Variants in LRRC4C observed in about 807,000 individuals in gnomAD.
The protein encoded by LRRC4C is leucine-rich repeat-containing protein 4C.
LRRC4C carries 5 observed loss-of-function variants against 33.6 expected under a neutral mutation model. The observed-to-expected ratio is 0.15, with a 90% confidence interval of 0.08 to 0.31. The LOEUF (loss-of-function observed/expected upper bound fraction) is 0.31. Ranked by LOEUF, LRRC4C falls within the 10% of genes least tolerant of loss-of-function variation. The pLI is 1.00. For synonymous variants in LRRC4C, 329 were observed against 302.0 expected, an observed-to-expected ratio of 1.09 and a Z score of -0.93; for missense variants, 560 against 796.7, an observed-to-expected ratio of 0.70 and a Z score of 3.58.
intron 1 of LRRC4C, among the ~76,000 whole-genome samples, chr11:41,294,913 C>T (rs548987619): frequency 5.9e-5 from 9 of 152,270 alleles, no homozygotes; most frequent in South Asian, 4.1e-4. Context: ...TAAAGCCTAA[C>T]AATCCCTCTT....
intron 2 of LRRC4C, among the ~76,000 whole-genome samples, chr11:40,675,685 C>A (rs548805125): frequency 2.0e-5 from 3 of 152,322 alleles, no homozygotes; most frequent in South Asian, 4.1e-4. Flanking sequence ...ACATCTGGTG[C>A]ATTGTAAGTG....
chr11:41,215,487 CAAAAAAA>C (rs764578889), intron 1 of LRRC4C, among the ~76,000 whole-genome samples: 11 of 64,356 alleles, frequency 1.7e-4, no homozygotes, highest in Admixed American at 7.4e-4. Context: ...AATTCCATCT[CAAAAAAA>C]AAAAAAAAAA....
chr11:40,327,502 G>T (rs1946157382), intron 3 of LRRC4C, among the ~76,000 whole-genome samples: 1 of 152,224 alleles, frequency 6.6e-6, no homozygotes, highest in Non-Finnish European at 1.5e-5. Context: ...CCAAAAGGCT[G>T]AGAAGCGATA....
chr11:41,184,003 T>G (rs1945573314), intron 1 of LRRC4C, among the ~76,000 whole-genome samples: 1 of 152,156 alleles, frequency 6.6e-6, no homozygotes, highest in Admixed American at 6.5e-5. Flanking sequence ...CTTGGCCCCT[T>G]TTAGCCATGG....
At position 40,260,242 on chromosome 11, in the gene LRRC4C, A is replaced by G. The variant is rs1419875291; in HGVS notation, c.-175-18644T>C. Among the ~76,000 whole-genome samples the G allele has an allele frequency of 5.2e-4, 67 of 127,852 alleles. 1 individual carries two copies. The highest frequency in any genetic ancestry group is 3.6e-3 in the Middle Eastern group (1 of 274). 83.9% of individuals were successfully genotyped at this position (127,852 alleles called of 152,430 possible). On this transcript the variant is annotated intron_variant, in intron 4 of 6. Coordinates refer to ENST00000528697, the MANE Select transcript of LRRC4C (RefSeq NM_001258419.2). ...TGCAGCCATAAAAAATGATGAGTTCATGTCCTTTGTAGGGACATGGATGAA... is the reference window on the plus strand; with the variant it reads ...TGCAGCCATAAAAAATGATGAGTTCGTGTCCTTTGTAGGGACATGGATGAA...
intron 5 of LRRC4C, among the ~76,000 whole-genome samples, chr11:40,237,885 C>G (rs1181623444): frequency 2.0e-5 from 3 of 152,116 alleles, no homozygotes; most frequent in Non-Finnish European, 4.4e-5. Context: ...GGATAAGCAA[C>G]AGCACAAATG....
At chr11:40,920,316 T>G (rs1294174649) in intron 2 of LRRC4C, among the ~76,000 whole-genome samples, 1 of 152,186 alleles carries the variant, frequency 6.6e-6, no homozygotes, top group African/African-American at 2.4e-5. Context: ...TATATTTGTA[T>G]GCATATCTGT....
At chr11:40,786,492 C>A (rs779021057) in intron 2 of LRRC4C, among the ~76,000 whole-genome samples, 9 of 152,186 alleles carry the variant, frequency 5.9e-5, no homozygotes, top group Admixed American at 6.5e-5. Flanking sequence ...ATCAGAGCCA[C>A]CTCAGCCAAT....
chr11:41,241,118 C>A (rs575983911), intron 1 of LRRC4C, among the ~76,000 whole-genome samples: 1 of 151,988 alleles, frequency 6.6e-6, no homozygotes. Flanking sequence ...GACCAACTAC[C>A]TTATAGTGTT....
intron 2 of LRRC4C, among the ~76,000 whole-genome samples, chr11:40,677,102 T>A (rs1359212222): frequency 6.6e-6 from 1 of 152,120 alleles, no homozygotes; most frequent in Non-Finnish European, 1.5e-5. Context: ...TTTTCATACA[T>A]TTGCTGGGCG....
intron 3 of LRRC4C, among the ~76,000 whole-genome samples, chr11:40,377,926 T>C (rs941767640): frequency 1.3e-5 from 2 of 151,998 alleles, no homozygotes; most frequent in African/African-American, 2.4e-5. Context: ...AGATAGATTA[T>C]AAAAAGAAGG....
At chr11:40,748,391 CT>C (rs1948531204) in intron 2 of LRRC4C, among the ~76,000 whole-genome samples, 1 of 152,010 alleles carries the variant, frequency 6.6e-6, no homozygotes, top group African/African-American at 2.4e-5. Context: ...TAGACTAGCC[CT>C]ACAAGAAAGG....
chr11:41,116,826 A>G (rs1221985476), intron 1 of LRRC4C, among the ~76,000 whole-genome samples: 4 of 152,182 alleles, frequency 2.6e-5, no homozygotes, highest in Non-Finnish European at 5.9e-5. Flanking sequence ...AGCTATAAGT[A>G]CAATAAAGTT....
At chr11:41,144,030 A>C (rs1391273863) in intron 1 of LRRC4C, among the ~76,000 whole-genome samples, 1 of 152,200 alleles carries the variant, frequency 6.6e-6, no homozygotes, top group Non-Finnish European at 1.5e-5. Flanking sequence ...GCTCAATTTC[A>C]CTTGCAATAA....
intron 1 of LRRC4C, among the ~76,000 whole-genome samples, chr11:40,977,734 T>C (rs1281564995): frequency 2.0e-5 from 3 of 152,170 alleles, no homozygotes; most frequent in Non-Finnish European, 2.9e-5. Flanking sequence ...GCCTCAAAAC[T>C]TAAAAAATTC....
chr11:40,179,288 G>A (rs896502297), intron 5 of LRRC4C, among the ~76,000 whole-genome samples: 2 of 152,034 alleles, frequency 1.3e-5, no homozygotes, highest in Non-Finnish European at 2.9e-5. Context: ...ATAGGTGCAA[G>A]CCACCACACC....
At chr11:40,645,764 C>G (rs1942411579) in intron 3 of LRRC4C, among the ~76,000 whole-genome samples, 1 of 152,122 alleles carries the variant, frequency 6.6e-6, no homozygotes, top group Non-Finnish European at 1.5e-5. Flanking sequence ...CATCCCAGCT[C>G]CGTGGGTACC....
chr11:41,198,571 G>A (rs1241062498), intron 1 of LRRC4C, among the ~76,000 whole-genome samples: 1 of 151,886 alleles, frequency 6.6e-6, no homozygotes, highest in East Asian at 1.9e-4. Flanking sequence ...ATGCACCCAG[G>A]TCCTCTGTCC....
chr11:41,164,754 G>C (rs1340043373), intron 1 of LRRC4C, among the ~76,000 whole-genome samples: 2 of 152,166 alleles, frequency 1.3e-5, no homozygotes, highest in Admixed American at 6.5e-5. Flanking sequence ...ATGTAAAAGA[G>C]TCTTGGAACA....
Sources: gnomAD v4.1 joint callset for allele counts (sites outside exome capture counted in the v4.1 genomes callset) on GRCh38, gnomAD v4.1.1 for gene constraint, MANE v1.5 for transcripts, NCBI Gene and HGNC (gene_info 2026-07-23, HGNC 2026-07-21) for gene names.